The following BTBD9 variants were observed in gnomAD, a reference collection of about 807,000 sequenced individuals.
BTBD9 encodes BTB domain containing 9, also known as BTB/POZ domain-containing protein 9.
BTBD9 carries 49 observed loss-of-function variants against 64.3 expected under a neutral mutation model. The observed-to-expected ratio is 0.76, with a 90% CI of 0.61 to 0.97. The LOEUF (loss-of-function observed/expected upper bound fraction) is 0.97, where lower values mean the gene tolerates loss of function less well. Among genes scored for constraint, BTBD9 ranks in the 50% least tolerant of loss-of-function variants. BTBD9 has a pLI of 0.00. For synonymous variants in BTBD9, 260 were observed against 274.7 expected (o/e 0.95, Z 0.53); for missense variants, 598 against 762.1 (o/e 0.78, Z 2.53).
chr6:38,630,694 A>T (rs1344405834), intron 1 of BTBD9, among the ~76,000 whole-genome samples: 1 of 152,242 alleles, frequency 6.6e-6, no homozygotes, highest in Non-Finnish European at 1.5e-5. Context: ...AGGGGTCAGG[A>T]TAGTGAAAGT....
intron 6 of BTBD9, among the ~76,000 whole-genome samples, chr6:38,560,957 C>T (rs778148275): frequency 6.6e-6 from 1 of 152,166 alleles, no homozygotes; most frequent in African/African-American, 2.4e-5. Context: ...TGTATATGTA[C>T]CACATTTTCT....
chr6:38,560,810 C>T (rs1391139991), intron 6 of BTBD9, among the ~76,000 whole-genome samples: 3 of 152,156 alleles, frequency 2.0e-5, no homozygotes, highest in African/African-American at 7.2e-5. Context: ...TTAGCTCCCA[C>T]TTACAAGTGA....
intron 9 of BTBD9, among the ~76,000 whole-genome samples, chr6:38,221,728 C>CA (rs1763202974): frequency 6.6e-6 from 1 of 152,218 alleles, no homozygotes; most frequent in South Asian, 2.1e-4. Context: ...TGCGGTGGCT[C>CA]ACGCCTGTAA....
chr6:38,258,751 G>A (rs368364473), intron 8 of BTBD9, among the ~76,000 whole-genome samples: 6 of 152,224 alleles, frequency 3.9e-5, no homozygotes, highest in South Asian at 2.1e-4. Flanking sequence ...TTAGCCAGGC[G>A]TGGTGGTGGG....
chr6:38,571,769 G>C (rs1173206216), intron 6 of BTBD9: 1 of 152,376 alleles, frequency 6.6e-6, no homozygotes, highest in Non-Finnish European at 1.5e-5. Flanking sequence ...GACCAGCCTG[G>C]GCAACATGGC....
intron 7 of BTBD9, among the ~76,000 whole-genome samples, chr6:38,329,190 C>G (rs763249189): frequency 1.8e-4 from 27 of 151,960 alleles, no homozygotes; most frequent in Non-Finnish European, 2.9e-4. Flanking sequence ...TAATCTTCCT[C>G]TTTTGCGGTT....
intron 4 of BTBD9, chr6:38,588,448 A>T: frequency 1.2e-6 from 1 of 809,950 alleles, no homozygotes; most frequent in East Asian, 2.5e-5. Context: ...AAGTAGCATG[A>T]CCCCTCCTCC....
At chr6:38,375,983 C>T (rs1765683203) in intron 6 of BTBD9, among the ~76,000 whole-genome samples, 1 of 151,510 alleles carries the variant, frequency 6.6e-6, no homozygotes, top group Admixed American at 6.6e-5. Flanking sequence ...GTAGGCATAA[C>T]TATGACAAGA....
At position 38,381,657 on chromosome 6, in the gene BTBD9, CA is replaced by C. The variant is rs1182340859; in HGVS notation, c.1155-36565del. On this transcript the variant is annotated intron_variant, in intron 6 of 10. Transcript: ENST00000481247. ...AAAATATACATTCTTTTCAAGTACA[CA>C]AAGGATTTTATTTTTAAAGACTACG... Among the ~76,000 whole-genome samples the C allele has an allele frequency of 3.3e-5, 5 of 152,086 alleles. No homozygotes were observed. The East Asian group carries it at 9.7e-4, about 29-fold the overall frequency.
rs1773452574 is a variant in BTBD9, at chr6:38,525,529, T to C, written c.1154+52071A>G. Among the ~76,000 whole-genome samples, 4 of 152,234 alleles carry C rather than the reference T, an allele frequency of 2.6e-5. No homozygotes were observed. The South Asian group carries it at 8.3e-4, about 32-fold the overall frequency. On this transcript the variant is annotated intron_variant, in intron 6 of 10. Transcript: ENST00000481247. ...GGGTAACAGGCAGAGACTGGAACAA[T>C]TTGGAGGGCTCAGAAGAAGACAGGA...
intron 7 of BTBD9, among the ~76,000 whole-genome samples, chr6:38,289,385 T>G (rs1761874747): frequency 6.6e-6 from 1 of 152,142 alleles, no homozygotes; most frequent in Non-Finnish European, 1.5e-5. Context: ...AAAAAAATTT[T>G]TTTTAATTGA....
Position 38,558,765 on chromosome 6 carries a change from T to C in BTBD9, c.1154+18835A>G, listed in dbSNP as rs542482128. On this transcript the variant is annotated intron_variant, in intron 6 of 10. Coordinates refer to ENST00000481247, the MANE Select transcript of BTBD9 (RefSeq NM_001099272.2). ...TCATCATGGGGAATTAACTTTTTGATGTGCTGCTGGATTTGGTTTGCTAGA... is the reference window on the plus strand; with the variant it reads ...TCATCATGGGGAATTAACTTTTTGACGTGCTGCTGGATTTGGTTTGCTAGA... Among the ~76,000 whole-genome samples, 6 of 152,362 alleles carry C rather than the reference T, an allele frequency of 3.9e-5. No individual in the cohort carries two copies. The East Asian group carries it at 1.2e-3, about 29-fold the overall frequency.
At chr6:38,181,753 TGAGA>T (rs1761563828) in intron 10 of BTBD9, among the ~76,000 whole-genome samples, 1 of 152,106 alleles carries the variant, frequency 6.6e-6, no homozygotes, top group African/African-American at 2.4e-5. Context: ...TTTGGGAGGC[TGAGA>T]GAGGCGGATC....
chr6:38,596,115 T>C (rs1411287023), intron 2 of BTBD9: 29 of 933,298 alleles, frequency 3.1e-5, no homozygotes, highest in Non-Finnish European at 3.6e-5. Flanking sequence ...TTCTGACAGC[T>C]GACAATTAAC....
intron 9 of BTBD9, among the ~76,000 whole-genome samples, chr6:38,255,043 A>G (rs1764530195): frequency 6.6e-6 from 1 of 152,244 alleles, no homozygotes. Flanking sequence ...GGATAAACAA[A>G]TGTGGTATAT....
chr6:38,385,760 A>C (rs1425364009), intron 6 of BTBD9, among the ~76,000 whole-genome samples: 1 of 151,902 alleles, frequency 6.6e-6, no homozygotes, highest in African/African-American at 2.4e-5. Flanking sequence ...TTTTTTAAAA[A>C]CAAGCAAACT....
intron 6 of BTBD9, among the ~76,000 whole-genome samples, chr6:38,544,716 C>T (rs1177492216): frequency 6.6e-6 from 1 of 151,908 alleles, no homozygotes; most frequent in Non-Finnish European, 1.5e-5. Context: ...CACCTGAGGT[C>T]AGGAGTTCGA....
In BTBD9 at chr6:38,298,420, A is replaced by G. The variant is rs182104740; in HGVS notation, c.1265-9959T>C. On this transcript the variant is annotated intron_variant, in intron 7 of 10. Coordinates refer to ENST00000481247, the MANE Select transcript of BTBD9 (RefSeq NM_001099272.2). The stretch of plus-strand genomic sequence containing the variant: ...TGTACATACTTATGGAGTACATGTG[A>G]TATTTTATTACATGCATAGAATGTA... Among the ~76,000 whole-genome samples the G allele has an allele frequency of 3.5e-3, 527 of 152,258 alleles. 4 individuals carry two copies. Among genetic ancestry groups the G allele is most frequent in the Non-Finnish European group, 5.3e-3 (358 of 68,004 alleles).
At chr6:38,526,321 T>C (rs1347409291) in intron 6 of BTBD9, among the ~76,000 whole-genome samples, 3 of 152,150 alleles carry the variant, frequency 2.0e-5, no homozygotes, top group Non-Finnish European at 4.4e-5. Context: ...AGGGCAAGAG[T>C]TGAGGCCTGG....
Sources: gnomAD v4.1 joint callset for allele counts (sites outside exome capture counted in the v4.1 genomes callset) on GRCh38, gnomAD v4.1.1 for gene constraint, MANE v1.5 for transcripts, NCBI Gene and HGNC (gene_info 2026-07-23, HGNC 2026-07-21) for gene names.